Variants in YTHDF3 observed in about 807,000 individuals in gnomAD.
YTHDF3 encodes YTH domain-containing family protein 3.
A neutral mutation model predicts 52.5 loss-of-function variants in YTHDF3; 9 were observed. That is an observed-to-expected ratio of 0.17 (90% CI 0.10 to 0.30). The LOEUF (loss-of-function observed/expected upper bound fraction) is 0.30. Ranked by LOEUF, YTHDF3 falls within the 10% of genes least tolerant of loss-of-function variation. The probability of loss-of-function intolerance (pLI) is 1.00; values close to 1 mark genes in which losing one functional copy is unlikely to be tolerated. For synonymous variants in YTHDF3, 274 were observed against 243.3 expected (o/e 1.13, Z -1.18); for missense variants, 534 against 715.0 (o/e 0.75, Z 2.89).
At chr8:63,191,565 GTACT>G (rs1266346423) in intron 4 of YTHDF3, among the ~76,000 whole-genome samples, 1 of 151,842 alleles carries the variant, frequency 6.6e-6, no homozygotes, top group African/African-American at 2.4e-5. Flanking sequence ...TCTGCTTTCT[GTACT>G]TAATGTTTTT....
At chr8:63,168,566 T>A (rs1807046166), upstream of YTHDF3, 2 of 494,354 alleles carry the variant, frequency 4.0e-6, no homozygotes, top group East Asian at 7.5e-5. Flanking sequence ...AAGAGCGAGG[T>A]GAGCGCGGAC....
chr8:63,210,776 A>G lies in YTHDF3; in HGVS notation c.*1070A>G, dbSNP rs946511785. 6.6e-6 allele frequency: 1 copy of G among 152,598 alleles called. No individual in the cohort carries two copies. Among genetic ancestry groups the G allele is most frequent in the Non-Finnish European group, 1.5e-5 (1 of 67,994 alleles). The allele number at this position is 152,598 out of a possible 1,614,324, so 9.5% of individuals were successfully genotyped here. On this transcript the variant is annotated 3_prime_UTR_variant, in exon 5 of 5. Coordinates refer to ENST00000539294, the MANE Select transcript of YTHDF3 (RefSeq NM_152758.6). ...TGTTGATGTTTTATTGATCAGATCT[A>G]TATAAGTGGGAATACAGCATATATC...
At chr8:63,178,013 C>T (rs926166933) in intron 3 of YTHDF3, among the ~76,000 whole-genome samples, 3 of 152,148 alleles carry the variant, frequency 2.0e-5, no homozygotes, top group African/African-American at 7.2e-5. Context: ...CTGCCTCGGC[C>T]TCCCAAAGTG....
At chr8:63,176,005 A>C (rs371756639) in intron 3 of YTHDF3, among the ~76,000 whole-genome samples, 1 of 152,196 alleles carries the variant, frequency 6.6e-6, no homozygotes, top group Admixed American at 6.5e-5. Context: ...TATCAAATCA[A>C]GTAATTGGTA....
Position 63,186,487 on chromosome 8 carries a change from C to G in YTHDF3, c.476C>G (p.Pro159Arg). The stretch of plus-strand genomic sequence containing the variant: ...TATAGTAGCAGTTATGGCTATCCAC[C>G]TAGTTCTCTTGGGAGAGCTATTACT... ...SAYSSSYGYPPSSLGRAITDG... is the reference protein window; with the variant it reads ...SAYSSSYGYPRSSLGRAITDG... The change falls in exon 4 of 5, where the codon CCT (proline) becomes CGT (arginine). Residue 159 changes from proline (P) to arginine (R), a missense_variant. Pro to Arg is a moderately radical substitution (Grantham distance 103, BLOSUM62 -2). Transcript: ENST00000539294. 1.2e-6 allele frequency: 2 copies of G among 1,613,980 alleles called. No homozygotes were observed. The highest frequency in any genetic ancestry group is 1.7e-6 in the Non-Finnish European group (2 of 1,179,886).
intron 3 of YTHDF3, among the ~76,000 whole-genome samples, chr8:63,180,631 G>A (rs1484769749): frequency 6.6e-6 from 1 of 152,248 alleles, no homozygotes; most frequent in Non-Finnish European, 1.5e-5. Flanking sequence ...GCTGCTGGGA[G>A]GTGGAGGTTG....
At chr8:63,172,497 T>A (rs1807395526) in intron 2 of YTHDF3, among the ~76,000 whole-genome samples, 1 of 152,238 alleles carries the variant, frequency 6.6e-6, no homozygotes, top group Non-Finnish European at 1.5e-5. Flanking sequence ...GAAAATGCCT[T>A]ATATTTTGGC....
chr8:63,204,853 C>T (rs1197502478), intron 4 of YTHDF3, among the ~76,000 whole-genome samples: 1 of 152,076 alleles, frequency 6.6e-6, no homozygotes, highest in Non-Finnish European at 1.5e-5. Flanking sequence ...GATCTGGTTA[C>T]CGAAATATTG....
chr8:63,178,801 T>A (rs539919324), intron 3 of YTHDF3, among the ~76,000 whole-genome samples: 1 of 152,108 alleles, frequency 6.6e-6, no homozygotes, highest in Non-Finnish European at 1.5e-5. Flanking sequence ...CTCAATTATC[T>A]AGCTAGAAAA....
chr8:63,168,841 A>AGCGGCG lies in YTHDF3; in HGVS notation c.-25_-20dup, dbSNP rs753271558. 43 of 1,552,830 alleles carry AGCGGCG rather than the reference A, an allele frequency of 2.8e-5. No individual in the cohort carries two copies. Among genetic ancestry groups the AGCGGCG allele is most frequent in the Middle Eastern group, 3.3e-4 (2 of 5,996 alleles). The stretch of plus-strand genomic sequence containing the variant: ...TGAGTGCACGGGGAGAGGCCCAGGC[A>AGCGGCG]GCGGCGGCGGCGGCGGCTCTCGGGT... On this transcript the variant is annotated 5_prime_UTR_variant, in exon 1 of 5. Transcript: ENST00000539294.
chr8:63,184,210 A>G (rs1054717078), intron 3 of YTHDF3, among the ~76,000 whole-genome samples: 21 of 152,270 alleles, frequency 1.4e-4, no homozygotes, highest in Admixed American at 1.1e-3. Flanking sequence ...ATAAAAAACC[A>G]ACATAGTCTG....
intron 4 of YTHDF3, among the ~76,000 whole-genome samples, chr8:63,191,565 G>C (rs190202389): frequency 2.2e-4 from 33 of 151,960 alleles, no homozygotes; most frequent in African/African-American, 4.6e-4. Context: ...TCTGCTTTCT[G>C]TACTTAATGT....
At chr8:63,179,881 C>G (rs570594959) in intron 3 of YTHDF3, among the ~76,000 whole-genome samples, 1 of 145,634 alleles carries the variant, frequency 6.9e-6, no homozygotes, top group Non-Finnish European at 1.5e-5. Context: ...ATGGGGCGGC[C>G]GGCCAGGCAG....
At chr8:63,196,891 C>G (rs750724075) in intron 4 of YTHDF3, among the ~76,000 whole-genome samples, 8 of 152,096 alleles carry the variant, frequency 5.3e-5, no homozygotes, top group Non-Finnish European at 8.8e-5. Flanking sequence ...AAAAAGAATT[C>G]AAGAAAGAAC....
intron 1 of YTHDF3, 160 bp downstream of exon 1, chr8:63,169,061 C>T (rs1441428152): frequency 3.5e-6 from 5 of 1,408,852 alleles, no homozygotes; most frequent in Admixed American, 3.5e-5. Context: ...GGGCGTGCGC[C>T]CTGGCCCCGT....
intron 3 of YTHDF3, among the ~76,000 whole-genome samples, chr8:63,177,896 T>C (rs1041550925): frequency 7.2e-5 from 11 of 152,088 alleles, no homozygotes; most frequent in Non-Finnish European, 1.3e-4. Context: ...TAGCTGGGAT[T>C]ACAGACACAT....
intron 2 of YTHDF3, among the ~76,000 whole-genome samples, chr8:63,174,935 C>T (rs1807585427): frequency 6.6e-6 from 1 of 152,148 alleles, no homozygotes; most frequent in Admixed American, 6.5e-5. Context: ...AGGTAGAGAA[C>T]ATTCAGAAAT....
chr8:63,183,184 C>T (rs1465631785), intron 3 of YTHDF3, among the ~76,000 whole-genome samples: 3 of 152,148 alleles, frequency 2.0e-5, no homozygotes, highest in Non-Finnish European at 2.9e-5. Flanking sequence ...TGGTCTCGAA[C>T]TCCAGACCTC....
At chr8:63,171,828 C>T (rs1419903470) in intron 2 of YTHDF3, among the ~76,000 whole-genome samples, 2 of 152,254 alleles carry the variant, frequency 1.3e-5, no homozygotes, top group Middle Eastern at 3.4e-3. Context: ...GTTTTGAACA[C>T]GTAATCCTTT....
Sources: gnomAD v4.1 joint callset for allele counts (sites outside exome capture counted in the v4.1 genomes callset) on GRCh38, gnomAD v4.1.1 for gene constraint, MANE v1.5 for transcripts, NCBI Gene and HGNC (gene_info 2026-07-23, HGNC 2026-07-21) for gene names.